Variants in NFIX observed in about 807,000 individuals in gnomAD.
NFIX encodes nuclear factor 1 X-type.
NFIX carries 2 observed loss-of-function variants against 53.3 expected under a neutral mutation model. The ratio of observed to expected loss-of-function variants is 0.04; its 90% CI spans 0.02 to 0.12. The LOEUF (loss-of-function observed/expected upper bound fraction) is 0.12. Ranked by LOEUF, NFIX falls within the 10% of genes least tolerant of loss-of-function variation. NFIX has a pLI of 1.00. For missense variants in NFIX, 310 were observed against 674.5 expected, an observed-to-expected ratio of 0.46 and a Z score of 5.99; for synonymous variants, 244 against 289.0, an observed-to-expected ratio of 0.84 and a Z score of 1.58.
Position 13,073,233 on chromosome 19 carries a change from T to C in NFIX, c.622+124T>C. On this transcript the variant is annotated intron_variant, in intron 3 of 10. Transcript: ENST00000592199. The surrounding 1 kb of genome is among the most constrained non-coding windows in gnomAD (Gnocchi z 4.5). ...CATTCAGCTGTCCCTTGACTGAGCT[T>C]AGCTTGCTGTCCTGAGGGGATGGGG... 1 of 1,060,424 alleles carries C rather than the reference T, an allele frequency of 9.4e-7. No homozygotes were observed. The allele number at this position is 1,060,424 out of a possible 1,614,324, so 65.7% of individuals were successfully genotyped here. A position where few individuals can be genotyped will look rare whatever the true frequency, so the allele number is the denominator to read the frequency against.
chr19:13,019,731 GTT>G (rs60597655), intron 1 of NFIX, among the ~76,000 whole-genome samples: 2,235 of 129,906 alleles, frequency 0.017, 32 homozygotes, highest in African/African-American at 0.038. Flanking sequence ...TTGTTTGTTT[GTT>G]TTTTTTTTTT....
Position 13,094,543 on chromosome 19 carries a change from C to A in NFIX, c.1495-92C>A. ...GCACCCTGGCTCTTTGGGAGCTGGA[C>A]CCTTGAGGGGCCAGGTCACTGGGCC... On this transcript the variant is annotated intron_variant, in intron 10 of 10. Coordinates refer to ENST00000592199, the MANE Select transcript of NFIX (RefSeq NM_001365902.3). The surrounding 1 kb of genome is among the most constrained non-coding windows in gnomAD (Gnocchi z 4.3). 1.5e-6 allele frequency: 2 copies of A among 1,369,082 alleles called. No individual in the cohort carries two copies. The highest frequency in any genetic ancestry group is 2.0e-6 in the Non-Finnish European group (2 of 1,001,602). The allele number at this position is 1,369,082 out of a possible 1,614,324, so 84.8% of individuals were successfully genotyped here.
In NFIX at chr19:12,996,448, A is replaced by G. The variant is rs1158359870; in HGVS notation, c.27+584A>G. On this transcript the variant is annotated intron_variant, in intron 1 of 10. Coordinates refer to ENST00000592199, the MANE Select transcript of NFIX (RefSeq NM_001365902.3). The surrounding 1 kb of genome is among the most constrained non-coding windows in gnomAD (Gnocchi z 5.2). ...GCCGAGCGGCCCGGGCGTCTCCCCA[A>G]AGTCTTTGTTTAGGCCTCACATGGG... is the stretch of plus-strand genomic sequence containing the variant. Among the ~76,000 whole-genome samples, 3 of 151,558 alleles carry G rather than the reference A, an allele frequency of 2.0e-5. No homozygotes were observed. Among genetic ancestry groups the G allele is most frequent in the African/African-American group, 4.8e-5 (2 of 41,360 alleles).
intron 1 of NFIX, among the ~76,000 whole-genome samples, chr19:13,023,630 CTTTTTTTTT>C (rs201731717): frequency 1.6e-5 from 2 of 128,670 alleles, no homozygotes; most frequent in Non-Finnish European, 3.3e-5. Flanking sequence ...GCATTTTTTT[CTTTTTTTTT>C]TTTTTTAAAC....
chr19:13,034,629 A>T (rs1295513368), intron 2 of NFIX, among the ~76,000 whole-genome samples: 1 of 152,168 alleles, frequency 6.6e-6, no homozygotes, highest in Non-Finnish European at 1.5e-5. Flanking sequence ...AATCAGTTTG[A>T]AATAAAAATG....
At chr19:13,019,185 T>C (rs1044554364) in intron 1 of NFIX, among the ~76,000 whole-genome samples, 6 of 152,146 alleles carry the variant, frequency 3.9e-5, no homozygotes, top group Non-Finnish European at 8.8e-5. Context: ...CAACTTCTTA[T>C]GCTTCTAGAT....
rs980138267 is a variant in NFIX, at chr19:13,002,331, C to A, written c.27+6467C>A. ...TCTCCTCCTCGATTTTTGGCTCCAG[C>A]TCTGGGCGCGTTCACTAAAGGAAGA... is the stretch of plus-strand genomic sequence containing the variant. On this transcript the variant is annotated intron_variant, in intron 1 of 10. Coordinates refer to ENST00000592199, the MANE Select transcript of NFIX (RefSeq NM_001365902.3). This position sits in a 1 kb window ranked among gnomAD's most constrained non-coding sequence, Gnocchi z 6.1. Among the ~76,000 whole-genome samples the A allele has an allele frequency of 6.6e-6, 1 of 152,058 alleles. No homozygotes were observed. Among genetic ancestry groups the A allele is most frequent in the African/African-American group, 2.4e-5 (1 of 41,406 alleles).
chr19:13,088,277 G>A lies in NFIX; in HGVS notation c.1402+141G>A, dbSNP rs914631708. The A allele has an allele frequency of 6.5e-6, 7 of 1,071,306 alleles. No individual in the cohort carries two copies. Among genetic ancestry groups the A allele is most frequent in the Non-Finnish European group, 9.1e-6 (7 of 767,182 alleles). The allele number at this position is 1,071,306 out of a possible 1,614,324, so 66.4% of individuals were successfully genotyped here. ...GAGCACCATGGACAAGAGCAGAGCC[G>A]AGCCCCCCAACCACAGCCTCCCTCC... On this transcript the variant is annotated intron_variant, in intron 9 of 10. Transcript: ENST00000592199. The surrounding 1 kb of genome is among the most constrained non-coding windows in gnomAD (Gnocchi z 5.9).
Position 13,060,761 on chromosome 19 carries a change from A to AG in NFIX, c.560-12286_560-12285insG, listed in dbSNP as rs2016022851. Among the ~76,000 whole-genome samples the AG allele has an allele frequency of 6.7e-6, 1 of 149,592 alleles. No homozygotes were observed. On this transcript the variant is annotated intron_variant, in intron 2 of 10. Coordinates refer to ENST00000592199, the MANE Select transcript of NFIX (RefSeq NM_001365902.3). The surrounding 1 kb of genome is among the most constrained non-coding windows in gnomAD (Gnocchi z 4.3). ...ATCTGCACTGCCCAGGGTCAGGGGG[A>AG]TGGGGGGGTCGGCCTCACCTCGGCT...
At position 13,060,035 on chromosome 19, in the gene NFIX, G is replaced by A. The variant is rs1191013268; in HGVS notation, c.560-13012G>A. ...ACTCCTGAGCTCAGGCGATCCACTC[G>A]CCTCAGCCTCTCAAAGTGCTGAGAT... On this transcript the variant is annotated intron_variant, in intron 2 of 10. Transcript: ENST00000592199. The surrounding 1 kb of genome is among the most constrained non-coding windows in gnomAD (Gnocchi z 4.3). Among the ~76,000 whole-genome samples, 3 of 152,040 alleles carry A rather than the reference G, an allele frequency of 2.0e-5. No homozygotes were observed. Among genetic ancestry groups the A allele is most frequent in the African/African-American group, 7.2e-5 (3 of 41,418 alleles).
In NFIX at chr19:13,039,977, C is replaced by T. The variant is rs150611623; in HGVS notation, c.559+14425C>T. ...AAGATGGGAAAGTGGCAGGTGTGCTCTCTGAGTGGGCATTATGAGGGGAGA... is the reference window on the plus strand; with the variant it reads ...AAGATGGGAAAGTGGCAGGTGTGCTTTCTGAGTGGGCATTATGAGGGGAGA... On this transcript the variant is annotated intron_variant, in intron 2 of 10. Transcript: ENST00000592199. Among the ~76,000 whole-genome samples, 404 of 152,174 alleles carry T rather than the reference C, an allele frequency of 2.7e-3. 6 individuals are homozygous for T. Among genetic ancestry groups the T allele is most frequent in the African/African-American group, 9.5e-3 (394 of 41,520 alleles).
chr19:13,046,300 AG>A (rs1439114955), intron 2 of NFIX, among the ~76,000 whole-genome samples: 2 of 152,014 alleles, frequency 1.3e-5, no homozygotes, highest in Non-Finnish European at 2.9e-5. Flanking sequence ...CCTGTGTTTA[AG>A]GGTATGTGTG....
Position 13,025,030 on chromosome 19 carries a change from C to T in NFIX, c.37C>T (p.His13Tyr), listed in dbSNP as rs771306235. Reference protein sequence around the residue: ...SPYCLTQDEFHPFIEALLPHV... With the variant: ...SPYCLTQDEFYPFIEALLPHV... ...GGCTTGCCGCCTGCAGGATGAGTTC[C>T]ACCCGTTCATCGAGGCACTGCTGCC... is the stretch of plus-strand genomic sequence containing the variant. The change falls in exon 2 of 11, where the codon CAC becomes TAC. Residue 13 changes from histidine (H) to tyrosine (Y), a missense_variant. Physicochemically the swap from His to Tyr is moderately conservative, Grantham distance 83 (BLOSUM62 2). Around this residue, in one of 5 missense-constraint regions of NFIX, gnomAD observed 64 missense variants for 144.5 expected, o/e 0.44. Coordinates refer to ENST00000592199, the MANE Select transcript of NFIX (RefSeq NM_001365902.3). This position sits in a 1 kb window ranked among gnomAD's most constrained non-coding sequence, Gnocchi z 7.5. 6.2e-7 allele frequency: 1 copy of T among 1,605,248 alleles called. No homozygotes were observed. The highest frequency in any genetic ancestry group is 8.5e-7 in the Non-Finnish European group (1 of 1,176,116).
chr19:13,076,173 G>C (rs941683690), intron 6 of NFIX, among the ~76,000 whole-genome samples: 1 of 152,138 alleles, frequency 6.6e-6, no homozygotes, highest in Non-Finnish European at 1.5e-5. Context: ...ATTGTCAGAC[G>C]TTCCCTAGTG....
chr19:13,023,645 T>A lies in NFIX; in HGVS notation c.28-1376T>A, dbSNP rs545657465. Among the ~76,000 whole-genome samples, 22 of 148,982 alleles carry A rather than the reference T, an allele frequency of 1.5e-4. 1 individual carries two copies. In the East Asian group the frequency reaches 2.6e-3, roughly 17 times the overall value. On this transcript the variant is annotated intron_variant, in intron 1 of 10. Coordinates refer to ENST00000592199, the MANE Select transcript of NFIX (RefSeq NM_001365902.3). Reference sequence around the variant, plus strand: ...GCATTTTTTTCTTTTTTTTTTTTTTTAAACTGGAAGAGGATGCACAGGGGA... The same window carrying A: ...GCATTTTTTTCTTTTTTTTTTTTTTAAAACTGGAAGAGGATGCACAGGGGA...
chr19:13,012,418 G>C lies in NFIX; in HGVS notation c.28-12603G>C, dbSNP rs952377247. 6.6e-6 allele frequency among the ~76,000 whole-genome samples: 1 copy of C among 152,188 alleles called. No homozygotes were observed. ...TGCTCAAGCGCGGCTCCCTCTTGCC[G>C]GGGCGCGGCCTGCCCCTCACAGTGA... On this transcript the variant is annotated intron_variant, in intron 1 of 10. Transcript: ENST00000592199. This position sits in a 1 kb window ranked among gnomAD's most constrained non-coding sequence, Gnocchi z 5.0.
intron 1 of NFIX, chr19:13,023,962 C>T: frequency 7.0e-7 from 1 of 1,437,938 alleles, no homozygotes; most frequent in Non-Finnish European, 9.4e-7. Flanking sequence ...CCACCCGCCC[C>T]CAACTCACAA....
chr19:13,023,210 A>C (rs1302934697), intron 1 of NFIX, among the ~76,000 whole-genome samples: 1 of 150,630 alleles, frequency 6.6e-6, no homozygotes, highest in African/African-American at 2.4e-5. Flanking sequence ...GGAGCAAAAA[A>C]AAAAAACACC....
chr19:13,080,841 A>T (rs1313780306), intron 7 of NFIX, among the ~76,000 whole-genome samples: 3 of 151,904 alleles, frequency 2.0e-5, no homozygotes, highest in Admixed American at 2.0e-4. Flanking sequence ...TCTACTAAAA[A>T]TACAAAAAAT....
Sources: allele counts gnomAD v4.1 joint callset (sites outside exome capture counted in the v4.1 genomes callset), GRCh38; gene constraint gnomAD v4.1.1; regional missense constraint gnomAD v4.1.1; non-coding constraint Gnocchi (gnomAD v3.1); transcripts MANE v1.5; gene names NCBI Gene and HGNC (gene_info 2026-07-23, HGNC 2026-07-21).